Variants in ALMS1 observed in about 807,000 individuals in gnomAD.
ALMS1 encodes the protein centrosome-associated protein ALMS1.
ALMS1 carries 271 observed loss-of-function variants against 352.2 expected under a neutral mutation model. The ratio of observed to expected loss-of-function variants is 0.77; its 90% confidence interval spans 0.70 to 0.85. The LOEUF (loss-of-function observed/expected upper bound fraction) is 0.85. Ranked by LOEUF, ALMS1 falls within the 40% of genes least tolerant of loss-of-function variation. The pLI, the probability that ALMS1 is intolerant of heterozygous loss-of-function variation, is 0.00. For missense variants in ALMS1, 5,445 were observed against 4,870.7 expected, an observed-to-expected ratio of 1.12 and a Z score of -3.51; for synonymous variants, 1,865 against 1,761.2, an observed-to-expected ratio of 1.06 and a Z score of -1.48.
chr2:73,424,523 A>G lies in ALMS1; in HGVS notation c.858A>G (p.Ser286=), dbSNP rs748158586. The G allele has an allele frequency of 1.1e-4, 173 of 1,611,142 alleles. No individual in the cohort carries two copies. The highest frequency in any genetic ancestry group is 1.4e-4 in the Non-Finnish European group (170 of 1,178,386). ...ALFQATAEVA[S]DLASSRFSVS... The stretch of plus-strand genomic sequence containing the variant: ...TCCAGGCTACTGCAGAAGTAGCTTC[A>G]GACTTAGCAAGCAGTCGCTTTAGTG... The change falls in exon 5 of 23, where the codon TCA becomes TCG. Residue 286 remains serine (S), a synonymous_variant. Transcript: ENST00000613296.
intron 6 of ALMS1, among the ~76,000 whole-genome samples, chr2:73,427,877 T>C (rs1049625030): frequency 6.6e-6 from 1 of 152,218 alleles, no homozygotes; most frequent in African/African-American, 2.4e-5. Flanking sequence ...AATAGTGATG[T>C]ACTTAATGTT....
chr2:73,590,269 GA>G (rs1558706460), intron 16 of ALMS1, among the ~76,000 whole-genome samples: 1 of 151,996 alleles, frequency 6.6e-6, no homozygotes, highest in African/African-American at 2.4e-5. Context: ...AAAATATATG[GA>G]AAATTTTTAT....
At chr2:73,584,255 T>C (rs1223783140) in intron 16 of ALMS1, among the ~76,000 whole-genome samples, 1 of 152,234 alleles carries the variant, frequency 6.6e-6, no homozygotes, top group Non-Finnish European at 1.5e-5. Context: ...TCTCAGCTCA[T>C]TTATAGTAGT....
intron 13 of ALMS1, among the ~76,000 whole-genome samples, chr2:73,554,450 A>T (rs1346434022): frequency 1.3e-5 from 2 of 152,108 alleles, no homozygotes; most frequent in South Asian, 2.1e-4. Flanking sequence ...TCATACCTGA[A>T]ATCCCAGCAG....
At chr2:73,531,528 A>T (rs752264732) in intron 11 of ALMS1, among the ~76,000 whole-genome samples, 6 of 152,162 alleles carry the variant, frequency 3.9e-5, no homozygotes, top group Non-Finnish European at 7.4e-5. Flanking sequence ...AATGTTCCAG[A>T]CTTTCCCACA....
intron 2 of ALMS1, among the ~76,000 whole-genome samples, chr2:73,411,043 T>C (rs1671067383): frequency 6.6e-6 from 1 of 152,022 alleles, no homozygotes; most frequent in African/African-American, 2.4e-5. Flanking sequence ...AATTGTGCCC[T>C]CCCAAATTAT....
intron 13 of ALMS1, among the ~76,000 whole-genome samples, chr2:73,555,060 T>A (rs1050603837): frequency 6.6e-6 from 1 of 152,196 alleles, no homozygotes; most frequent in Non-Finnish European, 1.5e-5. Flanking sequence ...ATAATAAAGA[T>A]GTCACTAAAT....
chr2:73,386,336 C>G, intron 1 of ALMS1, 144 bp downstream of exon 1: 1 of 1,195,530 alleles, frequency 8.4e-7, no homozygotes. Context: ...AGACTCCAGC[C>G]CAGGTGCCGG....
chr2:73,485,420 C>T (rs904273799), intron 9 of ALMS1, among the ~76,000 whole-genome samples: 9 of 152,356 alleles, frequency 5.9e-5, no homozygotes, highest in East Asian at 1.9e-4. Flanking sequence ...CTTGAGGAGG[C>T]AGTCTGCCCG....
chr2:73,601,933 CAA>C (rs1675699101), intron 19 of ALMS1, among the ~76,000 whole-genome samples: 1 of 152,214 alleles, frequency 6.6e-6, no homozygotes, highest in African/African-American at 2.4e-5. Flanking sequence ...ACTGACATTT[CAA>C]AGAGTTGTAA....
At chr2:73,606,170 G>T (rs1675812865) in intron 21 of ALMS1, among the ~76,000 whole-genome samples, 1 of 152,118 alleles carries the variant, frequency 6.6e-6, no homozygotes, top group African/African-American at 2.4e-5. Context: ...TAAAAATACA[G>T]GTTTCTTATG....
chr2:73,559,166 A>G (rs544063113), intron 15 of ALMS1, 24 bp downstream of exon 15: 10 of 1,606,876 alleles, frequency 6.2e-6, no homozygotes, highest in South Asian at 4.4e-5. Context: ...GTTGTGTATG[A>G]GTGTGTGTGT....
At chr2:73,541,375 G>A (rs1674176212) in intron 12 of ALMS1, among the ~76,000 whole-genome samples, 2 of 152,244 alleles carry the variant, frequency 1.3e-5, no homozygotes, top group African/African-American at 2.4e-5. Context: ...TCAAAGCAGT[G>A]TGTAGAGGGA....
Position 73,502,963 on chromosome 2 carries a change from T to C in ALMS1, c.9539+11465T>C, listed in dbSNP as rs904572555. Among the ~76,000 whole-genome samples, 103 of 152,162 alleles carry C rather than the reference T, an allele frequency of 6.8e-4. 1 individual carries two copies. The highest frequency in any genetic ancestry group is 2.4e-3 in the African/African-American group (98 of 41,442). Reference sequence around the variant, plus strand: ...CTGCTGCACAATCACTTTCGTGTAATATAGTCTCATTTCCTATAAAAGGAC... The same window carrying C: ...CTGCTGCACAATCACTTTCGTGTAACATAGTCTCATTTCCTATAAAAGGAC... On this transcript the variant is annotated intron_variant, in intron 10 of 22. Transcript: ENST00000613296.
intron 1 of ALMS1, among the ~76,000 whole-genome samples, chr2:73,386,394 C>T (rs1382787251): frequency 1.3e-5 from 2 of 152,214 alleles, no homozygotes; most frequent in Non-Finnish European, 2.9e-5. Context: ...CTTCTCGTTT[C>T]CTCCCCCTCG....
At chr2:73,385,823 TCCC>T (rs764473588), upstream of ALMS1, 6 of 658,296 alleles carry the variant, frequency 9.1e-6, no homozygotes, top group African/African-American at 9.4e-5. Context: ...TTCCCCTCCC[TCCC>T]CCCCTCCTCC....
intron 16 of ALMS1, among the ~76,000 whole-genome samples, chr2:73,594,685 C>A (rs537486983): frequency 1.3e-5 from 2 of 152,342 alleles, no homozygotes; most frequent in African/African-American, 2.4e-5. Flanking sequence ...AATCCAATAT[C>A]TCCTTGCATT....
At chr2:73,399,475 CGAGAGCAGAA>C (rs1469507564) in intron 1 of ALMS1, among the ~76,000 whole-genome samples, 2 of 151,798 alleles carry the variant, frequency 1.3e-5, no homozygotes, top group Non-Finnish European at 2.9e-5. Context: ...TCTCACATGG[CGAGAGCAGAA>C]GCCAGAGAGC....
rs989487625 is a variant in ALMS1 at position 73,506,293 on chromosome 2, A to G, written c.9540-13482A>G. 3.9e-5 allele frequency among the ~76,000 whole-genome samples: 6 copies of G among 152,126 alleles called. No individual in the cohort carries two copies. In the East Asian group the frequency reaches 1.2e-3, roughly 29 times the overall value. On this transcript the variant is annotated intron_variant, in intron 10 of 22. Transcript: ENST00000613296. ...CGGGCTCTTTTTTGGTTCCATATGA[A>G]CTTTAAAGTAGTTTTTTCTAATTCT...
Sources: gnomAD v4.1 joint callset for allele counts (sites outside exome capture counted in the v4.1 genomes callset) on GRCh38, gnomAD v4.1.1 for gene constraint, MANE v1.5 for transcripts, NCBI Gene and HGNC (gene_info 2026-07-23, HGNC 2026-07-21) for gene names.